The following PRRX1 variants were observed in gnomAD, a reference collection of about 807,000 sequenced individuals.
The protein encoded by PRRX1 is paired related homeobox 1.
In PRRX1, 8 loss-of-function variants were observed where a neutral mutation model predicts 24.0. That is an observed-to-expected ratio of 0.33 (90% CI 0.20 to 0.60). The LOEUF (loss-of-function observed/expected upper bound fraction) is 0.60, where lower values mean the gene tolerates loss of function less well. Ranked by LOEUF, PRRX1 falls within the 20% of genes least tolerant of loss-of-function variation. The probability of loss-of-function intolerance (pLI) is 0.82; values close to 1 mark genes in which losing one functional copy is unlikely to be tolerated. For missense variants in PRRX1, 281 were observed against 322.4 expected (o/e 0.87, Z 0.98); for synonymous variants, 160 against 131.7 (o/e 1.22, Z -1.47).
chr1:170,717,077 C>A (rs530697762), intron 1 of PRRX1, among the ~76,000 whole-genome samples: 2 of 152,318 alleles, frequency 1.3e-5, no homozygotes, highest in East Asian at 3.9e-4. Context: ...GGACATTTGC[C>A]AGAGCCAGAC....
chr1:170,707,534 C>A (rs903261694), intron 1 of PRRX1, among the ~76,000 whole-genome samples: 1 of 152,134 alleles, frequency 6.6e-6, no homozygotes, highest in Non-Finnish European at 1.5e-5. Flanking sequence ...TTTCTCAAAT[C>A]CTTTCTTCCA....
chr1:170,674,646 G>A (rs997866060), intron 1 of PRRX1, among the ~76,000 whole-genome samples: 2 of 151,950 alleles, frequency 1.3e-5, no homozygotes, highest in Admixed American at 6.5e-5. Context: ...GTACAACACC[G>A]CTGCAGTAAG....
At chr1:170,698,943 G>T (rs1654263329) in intron 1 of PRRX1, among the ~76,000 whole-genome samples, 1 of 152,164 alleles carries the variant, frequency 6.6e-6, no homozygotes, top group South Asian at 2.1e-4. Flanking sequence ...AGGCCTTTTG[G>T]CTGCCAAGAC....
intron 1 of PRRX1, among the ~76,000 whole-genome samples, chr1:170,693,672 T>C (rs567814631): frequency 1.3e-5 from 2 of 152,254 alleles, no homozygotes; most frequent in African/African-American, 4.8e-5. Flanking sequence ...TTTGATAGTG[T>C]GGATAGTATG....
At chr1:170,712,672 A>T (rs1427426021) in intron 1 of PRRX1, among the ~76,000 whole-genome samples, 2 of 152,172 alleles carry the variant, frequency 1.3e-5, no homozygotes, top group Non-Finnish European at 2.9e-5. Flanking sequence ...AAATTTTCAA[A>T]TGACCCCAGG....
intron 3 of PRRX1, among the ~76,000 whole-genome samples, chr1:170,735,166 G>A (rs1655564665): frequency 6.6e-6 from 1 of 152,116 alleles, no homozygotes; most frequent in Non-Finnish European, 1.5e-5. Context: ...CTTTAACAGA[G>A]ATTCATGGAT....
chr1:170,714,667 C>T lies in PRRX1; in HGVS notation c.242-5059C>T, dbSNP rs148029468. Among the ~76,000 whole-genome samples the T allele has an allele frequency of 8.5e-4, 129 of 152,268 alleles. 1 individual carries two copies. The highest frequency in any genetic ancestry group is 3.0e-3 in the African/African-American group (125 of 41,570). ...AGAGGGTGAGGGGTGTTGGAGTTAG[C>T]TGAAGCTTGCATGGCAAGAGCAAGG... On this transcript the variant is annotated intron_variant, in intron 1 of 3. Transcript: ENST00000239461.
chr1:170,718,172 G>A (rs113525941), intron 1 of PRRX1, among the ~76,000 whole-genome samples: 8,014 of 152,224 alleles, frequency 0.053, 272 homozygotes, highest in Middle Eastern at 0.13. Context: ...GGAGTTTCAC[G>A]TTTTCCCTGA....
intron 1 of PRRX1, chr1:170,669,247 T>G (rs1333046152): frequency 1.3e-5 from 2 of 151,778 alleles, no homozygotes; most frequent in Admixed American, 1.3e-4. Context: ...GCATTTTGGC[T>G]GAGACACCTA....
At chr1:170,700,162 T>C (rs1224104596) in intron 1 of PRRX1, among the ~76,000 whole-genome samples, 3 of 151,982 alleles carry the variant, frequency 2.0e-5, no homozygotes, top group Admixed American at 2.0e-4. Context: ...TTCAATTTTA[T>C]GCATTTGGAA....
At position 170,700,064 on chromosome 1, in the gene PRRX1, C is replaced by T. The variant is rs76987566; in HGVS notation, c.242-19662C>T. Among the ~76,000 whole-genome samples the T allele has an allele frequency of 8.9e-3, 1,362 of 152,272 alleles. 12 individuals are homozygous for T. The highest frequency in any genetic ancestry group is 0.014 in the Non-Finnish European group (947 of 68,024). On this transcript the variant is annotated intron_variant, in intron 1 of 3. Transcript: ENST00000239461. The stretch of plus-strand genomic sequence containing the variant: ...GGGTTTTCATATATATGCTTATAAT[C>T]ATATTTAAATGTATTGATGGGGTTA...
chr1:170,706,278 T>A (rs747118665), intron 1 of PRRX1, among the ~76,000 whole-genome samples: 11 of 152,220 alleles, frequency 7.2e-5, no homozygotes, highest in Non-Finnish European at 1.5e-4. Context: ...ATTGTTAAAT[T>A]TATAGATTCC....
chr1:170,730,871 C>T (rs1349676076), intron 3 of PRRX1, among the ~76,000 whole-genome samples: 1 of 151,942 alleles, frequency 6.6e-6, no homozygotes, highest in Non-Finnish European at 1.5e-5. Context: ...TGGAACCTAT[C>T]GATAAGCAGT....
chr1:170,716,244 A>C (rs1006733759), intron 1 of PRRX1, among the ~76,000 whole-genome samples: 1 of 152,192 alleles, frequency 6.6e-6, no homozygotes, highest in Admixed American at 6.5e-5. Context: ...AAAATTATAA[A>C]ATCCATAAAC....
intron 1 of PRRX1, among the ~76,000 whole-genome samples, chr1:170,690,588 T>C (rs1483964510): frequency 1.3e-5 from 2 of 152,070 alleles, no homozygotes; most frequent in Non-Finnish European, 2.9e-5. Flanking sequence ...GTTTTTGAAT[T>C]TGAAAATGTG....
chr1:170,685,789 G>T (rs763863118), intron 1 of PRRX1, among the ~76,000 whole-genome samples: 68 of 152,096 alleles, frequency 4.5e-4, no homozygotes, highest in Non-Finnish European at 7.5e-4. Context: ...CAAGCTGCTA[G>T]GGATTCAGAG....
At chr1:170,734,584 C>A (rs1033811753) in intron 3 of PRRX1, among the ~76,000 whole-genome samples, 16 of 152,000 alleles carry the variant, frequency 1.1e-4, no homozygotes, top group African/African-American at 3.1e-4. Flanking sequence ...GTTAAGCAGG[C>A]AAAACTGAAA....
rs536199270 is a variant in PRRX1 at position 170,705,816 on chromosome 1, A to C, written c.242-13910A>C. ...GCATTGCAAGAAGTTGTTCCTTCTC[A>C]TGTGAGCAATTGAATCTGCTTCTAG... is the stretch of plus-strand genomic sequence containing the variant. On this transcript the variant is annotated intron_variant, in intron 1 of 3. Transcript: ENST00000239461. Among the ~76,000 whole-genome samples, 752 of 152,098 alleles carry C rather than the reference A, an allele frequency of 4.9e-3. 10 individuals carry two copies. The highest frequency in any genetic ancestry group is 0.016 in the African/African-American group (673 of 41,498).
rs74123171 is a variant in PRRX1 at position 170,738,102 on chromosome 1, T to A, written c.*1916T>A. 3,636 of 216,864 alleles carry A rather than the reference T, an allele frequency of 0.017. 104 individuals carry two copies. Among genetic ancestry groups the A allele is most frequent in the African/African-American group, 0.07 (3,112 of 44,556 alleles). 13.4% of individuals were successfully genotyped at this position (216,864 alleles called of 1,614,324 possible). On this transcript the variant is annotated 3_prime_UTR_variant, in exon 4 of 4. Coordinates refer to ENST00000239461, the MANE Select transcript of PRRX1 (RefSeq NM_022716.4). ...TTAAGACACATAGAACAGATTTTTTTAATTTATATTTTCATCCTGACCAGC... is the reference window on the plus strand; with the variant it reads ...TTAAGACACATAGAACAGATTTTTTAAATTTATATTTTCATCCTGACCAGC...
Sources: allele counts gnomAD v4.1 joint callset (sites outside exome capture counted in the v4.1 genomes callset), GRCh38; gene constraint gnomAD v4.1.1; transcripts MANE v1.5; gene names NCBI Gene and HGNC (gene_info 2026-07-23, HGNC 2026-07-21).